The following EPB41L4B variants were observed in gnomAD, a reference collection of about 807,000 sequenced individuals.
EPB41L4B encodes erythrocyte membrane protein band 4.1 like 4B.
Under a neutral mutation model 112.5 loss-of-function variants are expected in EPB41L4B, and 30 were observed. The ratio of observed to expected loss-of-function variants is 0.27; its 90% CI spans 0.20 to 0.36. The LOEUF is 0.36. Among genes scored for constraint, EPB41L4B ranks in the 10% least tolerant of loss-of-function variants. The pLI is 1.00. For synonymous variants in EPB41L4B, 408 were observed against 439.7 expected, an observed-to-expected ratio of 0.93 and a Z score of 0.90; for missense variants, 1,024 against 1,133.3, an observed-to-expected ratio of 0.90 and a Z score of 1.38.
At chr9:109,206,169 C>T (rs1407437940) in intron 18 of EPB41L4B, among the ~76,000 whole-genome samples, 1 of 152,084 alleles carries the variant, frequency 6.6e-6, no homozygotes, top group Non-Finnish European at 1.5e-5. Context: ...TTATTTTTTA[C>T]TTTATTTAAT....
At chr9:109,221,891 C>T (rs1373755327) in intron 15 of EPB41L4B, among the ~76,000 whole-genome samples, 1 of 152,186 alleles carries the variant, frequency 6.6e-6, no homozygotes, top group Non-Finnish European at 1.5e-5. Context: ...GTCATGCCAA[C>T]TCCAATTGAT....
At chr9:109,319,917 G>A (rs1040177474) in intron 1 of EPB41L4B, among the ~76,000 whole-genome samples, 10 of 152,144 alleles carry the variant, frequency 6.6e-5, no homozygotes, top group African/African-American at 2.4e-4. Context: ...ACCCCGCGGC[G>A]CAATGTGCCA....
chr9:109,320,324 C>T lies in EPB41L4B; in HGVS notation c.123G>A (p.Pro41=). The change falls in exon 1 of 26, where the codon CCG becomes CCA. Residue 41 remains proline (P), a synonymous_variant. Transcript: ENST00000374566. ...DERDGGPRGG[P]AAAASSSALP... is the part of the protein sequence containing the mutation. Reference sequence around the variant, plus strand: ...GCGCCGAGGAGGAGGCGGCGGCGGCCGGGCCCCCCCGTGGCCCCCCATCGC... The same window carrying T: ...GCGCCGAGGAGGAGGCGGCGGCGGCTGGGCCCCCCCGTGGCCCCCCATCGC... 1.0e-6 allele frequency: 1 copy of T among 992,680 alleles called. No individual in the cohort carries two copies. Among genetic ancestry groups the T allele is most frequent in the Non-Finnish European group, 1.2e-6 (1 of 836,100 alleles). 61.5% of individuals were successfully genotyped at this position (992,680 alleles called of 1,614,324 possible). A position where few individuals can be genotyped will look rare whatever the true frequency, so the allele number is the denominator to read the frequency against.
chr9:109,255,554 T>G lies in EPB41L4B; in HGVS notation c.1126A>C (p.Asn376His). The change falls in exon 11 of 26, where the codon AAT (asparagine) becomes CAT (histidine). Residue 376 changes from asparagine to histidine, a missense_variant. Asn to His is a moderately conservative substitution (Grantham distance 68, BLOSUM62 1). Coordinates refer to ENST00000374566, the MANE Select transcript of EPB41L4B (RefSeq NM_019114.5). ...CCCAGCCTGATAAAGTCGGATCTAT[T>G]GGATTTGCTGTTTCCTGGCGTCCGC... ...RLRTPGNSKSNRSDFIRLGSR... is the reference protein window; with the variant it reads ...RLRTPGNSKSHRSDFIRLGSR... 1 of 1,614,204 alleles carries G rather than the reference T, an allele frequency of 6.2e-7. No homozygotes were observed. The highest frequency in any genetic ancestry group is 8.5e-7 in the Non-Finnish European group (1 of 1,180,028).
intron 20 of EPB41L4B, among the ~76,000 whole-genome samples, chr9:109,199,560 T>C (rs970953392): frequency 1.3e-5 from 2 of 152,024 alleles, no homozygotes; most frequent in Non-Finnish European, 2.9e-5. Flanking sequence ...TCCCAACTAC[T>C]TGGGAGGCTG....
chr9:109,226,626 A>ATATATATATATG (rs1554750149), intron 15 of EPB41L4B, among the ~76,000 whole-genome samples: 1 of 132,246 alleles, frequency 7.6e-6, no homozygotes, highest in Non-Finnish European at 1.6e-5. Context: ...ATATATATAT[A>ATATATATATATG]TATGAAGAAT....
In EPB41L4B at chr9:109,303,127, AG is replaced by A. The variant is rs574177772; in HGVS notation, c.306+17013del. ...AGAAAAGAAAAAAAGGGGTAAAAAAAGGGTATACATAGTATGATCCCATTTT... is the reference window on the plus strand; with the variant it reads ...AGAAAAGAAAAAAAGGGGTAAAAAAAGGTATACATAGTATGATCCCATTTT... On this transcript the variant is annotated intron_variant, in intron 1 of 25. Transcript: ENST00000374566. Among the ~76,000 whole-genome samples the A allele has an allele frequency of 2.0e-4, 30 of 151,922 alleles. 1 individual carries two copies. The highest frequency in any genetic ancestry group is 1.0e-3 in the South Asian group (5 of 4,824).
chr9:109,207,526 C>T (rs1833026106), intron 18 of EPB41L4B, among the ~76,000 whole-genome samples: 4 of 151,898 alleles, frequency 2.6e-5, no homozygotes, highest in Admixed American at 2.0e-4. Context: ...GAGCCATGAT[C>T]CCACCACTGC....
rs1300695939 is a variant in EPB41L4B, at chr9:109,172,524, T to C, written c.*2030A>G. ...GCAGAGAGCAGTAAAAAACCATCAG[T>C]GAGAACAGCATAATATCCTATAAAA... On this transcript the variant is annotated 3_prime_UTR_variant, in exon 26 of 26. Coordinates refer to ENST00000374566, the MANE Select transcript of EPB41L4B (RefSeq NM_019114.5). 2.6e-5 allele frequency: 4 copies of C among 152,098 alleles called. No homozygotes were observed. Among genetic ancestry groups the C allele is most frequent in the Non-Finnish European group, 5.9e-5 (4 of 68,040 alleles). 9.4% of individuals were successfully genotyped at this position (152,098 alleles called of 1,614,324 possible).
At chr9:109,214,809 A>G (rs1156245750) in intron 16 of EPB41L4B, among the ~76,000 whole-genome samples, 1 of 152,214 alleles carries the variant, frequency 6.6e-6, no homozygotes, top group African/African-American at 2.4e-5. Flanking sequence ...CGAGGACTTT[A>G]TCCCAGACAG....
At chr9:109,224,551 G>A (rs367630929) in intron 15 of EPB41L4B, among the ~76,000 whole-genome samples, 5 of 151,970 alleles carry the variant, frequency 3.3e-5, no homozygotes, top group African/African-American at 9.7e-5. Context: ...GATGGTGGAC[G>A]GGGGGAAGGG....
At chr9:109,308,816 G>A (rs940459841) in intron 1 of EPB41L4B, among the ~76,000 whole-genome samples, 2 of 152,200 alleles carry the variant, frequency 1.3e-5, no homozygotes, top group Non-Finnish European at 2.9e-5. Flanking sequence ...GGAGACTCAT[G>A]CCTGTAATCT....
intron 15 of EPB41L4B, among the ~76,000 whole-genome samples, chr9:109,231,548 G>C (rs536580747): frequency 6.6e-6 from 1 of 152,094 alleles, no homozygotes; most frequent in Non-Finnish European, 1.5e-5. Context: ...ACATTATGTA[G>C]TCTCTGCAAA....
At chr9:109,193,806 C>T (rs1832547601) in intron 21 of EPB41L4B, among the ~76,000 whole-genome samples, 1 of 152,210 alleles carries the variant, frequency 6.6e-6, no homozygotes, top group South Asian at 2.1e-4. Flanking sequence ...TTTCAAACTA[C>T]TAACACCGGC....
chr9:109,228,452 A>G (rs1418802434), intron 15 of EPB41L4B, among the ~76,000 whole-genome samples: 1 of 152,236 alleles, frequency 6.6e-6, no homozygotes, highest in African/African-American at 2.4e-5. Flanking sequence ...TGACTCAGCA[A>G]TGACAAGTGC....
intron 15 of EPB41L4B, among the ~76,000 whole-genome samples, chr9:109,237,167 G>A (rs919135521): frequency 1.3e-5 from 2 of 152,212 alleles, no homozygotes; most frequent in African/African-American, 4.8e-5. Flanking sequence ...AAGAAGGACT[G>A]AGAGGAATTA....
At chr9:109,318,853 T>C (rs945023446) in intron 1 of EPB41L4B, among the ~76,000 whole-genome samples, 2 of 152,096 alleles carry the variant, frequency 1.3e-5, no homozygotes, top group African/African-American at 4.8e-5. Context: ...AAAAATAAAA[T>C]TGCCATAAAT....
chr9:109,302,609 C>A (rs191591342), intron 1 of EPB41L4B, among the ~76,000 whole-genome samples: 1 of 151,992 alleles, frequency 6.6e-6, no homozygotes, highest in Non-Finnish European at 1.5e-5. Flanking sequence ...GGGATGTCAT[C>A]CCTGTCAGGA....
intron 1 of EPB41L4B, among the ~76,000 whole-genome samples, chr9:109,307,015 G>GTTTTTTTTTTT (rs534923556): frequency 1.6e-5 from 2 of 124,516 alleles, no homozygotes. Flanking sequence ...TGCTGCAGTT[G>GTTTTTTTTTTT]TTTTTTTTTT....
Sources: allele counts gnomAD v4.1 joint callset (sites outside exome capture counted in the v4.1 genomes callset), GRCh38; gene constraint gnomAD v4.1.1; transcripts MANE v1.5; gene names NCBI Gene and HGNC (gene_info 2026-07-23, HGNC 2026-07-21).